Variants in PTPN13 observed in about 807,000 individuals in gnomAD.
The protein encoded by PTPN13 is protein tyrosine phosphatase non-receptor type 13.
A neutral mutation model predicts 284.0 loss-of-function variants in PTPN13; 191 were observed. The observed-to-expected ratio is 0.67, with a 90% CI of 0.60 to 0.76. The LOEUF (loss-of-function observed/expected upper bound fraction) is 0.76, where lower values mean the gene tolerates loss of function less well. PTPN13 is among the 30% of genes least tolerant of loss of function. The pLI is 0.00. For missense variants in PTPN13, 2,797 were observed against 2,939.9 expected, an observed-to-expected ratio of 0.95 and a Z score of 1.12; for synonymous variants, 986 against 1,022.3, an observed-to-expected ratio of 0.96 and a Z score of 0.68.
intron 39 of PTPN13, 67 bp from the exon 40 acceptor site, chr4:86,785,781 A>G (rs746660204): frequency 1.0e-6 from 1 of 966,530 alleles, no homozygotes; most frequent in Non-Finnish European, 1.5e-6. Context: ...TTTGCAGGCA[A>G]ATGAAAACTT....
chr4:86,618,485 G>A lies in PTPN13; in HGVS notation c.-5-16767G>A, dbSNP rs192635754. Reference sequence around the variant, plus strand: ...GAAGAAAGTCATTGGTAGCTTGATGGGGATGGCATTGAATCTATAAATTAC... The same window carrying A: ...GAAGAAAGTCATTGGTAGCTTGATGAGGATGGCATTGAATCTATAAATTAC... On this transcript the variant is annotated intron_variant, in intron 1 of 47. Transcript: ENST00000411767. 3.3e-3 allele frequency among the ~76,000 whole-genome samples: 509 copies of A among 152,254 alleles called. 1 individual carries two copies. Among genetic ancestry groups the A allele is most frequent in the African/African-American group, 0.012 (492 of 41,544 alleles).
intron 5 of PTPN13, among the ~76,000 whole-genome samples, chr4:86,691,887 A>G (rs1730065214): frequency 6.6e-6 from 1 of 152,192 alleles, no homozygotes; most frequent in South Asian, 2.1e-4. Context: ...TAGCGTGAGT[A>G]AAAGTCAGCA....
At chr4:86,627,230 G>A (rs548074472) in intron 1 of PTPN13, among the ~76,000 whole-genome samples, 1 of 151,908 alleles carries the variant, frequency 6.6e-6, no homozygotes, top group Non-Finnish European at 1.5e-5. Context: ...AAGTTCCAGA[G>A]GTCTGTTCAA....
Position 86,807,664 on chromosome 4 carries a change from G to C in PTPN13, c.6850G>C (p.Gly2284Arg), listed in dbSNP as rs1490569835. Residue 2284 changes from glycine (G) to arginine (R), a missense_variant, in exon 45 of 48, where the codon GGA becomes CGA. Coordinates refer to ENST00000411767, the MANE Select transcript of PTPN13 (RefSeq NM_080683.3). ...KEEFVYIACQ[G>R]PLPTTVGDFW... ...AGAGTTCGTTTACATTGCCTGCCAA[G>C]GACCACTGCCTACAACTGTTGGAGA... The C allele has an allele frequency of 6.2e-7, 1 of 1,613,980 alleles. No homozygotes were observed. Among genetic ancestry groups the C allele is most frequent in the Admixed American group, 1.7e-5 (1 of 60,010 alleles).
At chr4:86,800,248 T>C (rs1471194748) in intron 42 of PTPN13, among the ~76,000 whole-genome samples, 1 of 152,140 alleles carries the variant, frequency 6.6e-6, no homozygotes, top group Non-Finnish European at 1.5e-5. Context: ...AATGGAGAAA[T>C]GAAATTCTAT....
At position 86,701,595 on chromosome 4, in the gene PTPN13, C is replaced by T; in HGVS notation, c.989C>T (p.Thr330Ile). The part of the protein sequence containing the change: ...TYRRCHPEAV[T>I]VRTSTTPRKK... ...CGTCGTTGTCACCCTGAGGCAGTAA[C>T]AGTGCGGACTTCAACTACTCCTAGA... The change falls in exon 7 of 48, where the codon ACA (threonine) becomes ATA (isoleucine). Residue 330 changes from threonine (T) to isoleucine (I), a missense_variant. By Grantham distance (89) the Thr-to-Ile change is moderately conservative. Coordinates refer to ENST00000411767, the MANE Select transcript of PTPN13 (RefSeq NM_080683.3). 1 of 1,613,870 alleles carries T rather than the reference C, an allele frequency of 6.2e-7. No individual in the cohort carries two copies.
At chr4:86,637,645 ACT>A (rs1723188630) in intron 2 of PTPN13, among the ~76,000 whole-genome samples, 1 of 150,570 alleles carries the variant, frequency 6.6e-6, no homozygotes, top group South Asian at 2.1e-4. Flanking sequence ...CATGCTAAAA[ACT>A]CTCAATAAAT....
At chr4:86,608,187 A>C (rs947920018) in intron 1 of PTPN13, among the ~76,000 whole-genome samples, 2 of 152,080 alleles carry the variant, frequency 1.3e-5, no homozygotes, top group African/African-American at 4.8e-5. Context: ...AGGCCAGAAA[A>C]AAATAGTGAG....
chr4:86,605,330 T>C (rs1421452780), intron 1 of PTPN13, among the ~76,000 whole-genome samples: 1 of 151,906 alleles, frequency 6.6e-6, no homozygotes, highest in African/African-American at 2.4e-5. Context: ...TGGGGGATGA[T>C]ATTTGGTTTC....
intron 28 of PTPN13, among the ~76,000 whole-genome samples, chr4:86,768,974 T>A (rs2149267344): frequency 6.6e-6 from 1 of 152,260 alleles, no homozygotes; most frequent in Non-Finnish European, 1.5e-5. Context: ...CCTCCCAAAA[T>A]GCTGGGATTA....
chr4:86,709,818 G>C (rs1315446362), intron 7 of PTPN13, among the ~76,000 whole-genome samples: 1 of 152,172 alleles, frequency 6.6e-6, no homozygotes, highest in African/African-American at 2.4e-5. Flanking sequence ...GGTGGAAACT[G>C]TTCATTCTTT....
intron 2 of PTPN13, among the ~76,000 whole-genome samples, chr4:86,636,787 T>C (rs529115541): frequency 2.6e-5 from 4 of 151,694 alleles, no homozygotes; most frequent in African/African-American, 7.3e-5. Context: ...CAAGAACAAA[T>C]ACATTCAAAA....
At chr4:86,610,745 C>T (rs756526236) in intron 1 of PTPN13, among the ~76,000 whole-genome samples, 34 of 152,192 alleles carry the variant, frequency 2.2e-4, no homozygotes, top group Non-Finnish European at 3.4e-4. Context: ...CCAAACAAAA[C>T]ATGTCAGCAG....
chr4:86,778,455 C>T (rs185830825), intron 35 of PTPN13, among the ~76,000 whole-genome samples: 1 of 150,684 alleles, frequency 6.6e-6, no homozygotes, highest in African/African-American at 2.4e-5. Context: ...CGCACCTCCC[C>T]CCGCCCACCC....
intron 17 of PTPN13, among the ~76,000 whole-genome samples, chr4:86,747,573 A>G (rs551265251): frequency 1.6e-5 from 2 of 128,388 alleles, no homozygotes; most frequent in Non-Finnish European, 3.7e-5. Flanking sequence ...CAGCAGCAGC[A>G]GCAGCAGCAG....
Position 86,624,484 on chromosome 4 carries a change from G to A in PTPN13, c.-5-10768G>A, listed in dbSNP as rs145140646. ...TTTTCTAGTTTTGTAGACTTAAAAG[G>A]GCACCACTCAAAATAGCCCTTTGTT... On this transcript the variant is annotated intron_variant, in intron 1 of 47. Transcript: ENST00000411767. Among the ~76,000 whole-genome samples, 183 of 152,166 alleles carry A rather than the reference G, an allele frequency of 1.2e-3. 4 individuals are homozygous for A. The highest frequency in any genetic ancestry group is 4.2e-3 in the African/African-American group (175 of 41,526).
At chr4:86,776,611 A>C (rs887977171) in intron 35 of PTPN13, among the ~76,000 whole-genome samples, 1 of 152,236 alleles carries the variant, frequency 6.6e-6, no homozygotes. Context: ...TGAAAATATC[A>C]TAAGTCAAAA....
chr4:86,699,914 T>G (rs1310412885), intron 6 of PTPN13, among the ~76,000 whole-genome samples: 2 of 152,104 alleles, frequency 1.3e-5, no homozygotes, highest in Non-Finnish European at 2.9e-5. Flanking sequence ...TCAAATTATC[T>G]TAGGTTAGAA....
At chr4:86,607,520 T>C (rs1764890590) in intron 1 of PTPN13, among the ~76,000 whole-genome samples, 1 of 152,028 alleles carries the variant, frequency 6.6e-6, no homozygotes, top group Admixed American at 6.6e-5. Flanking sequence ...GCTGTTATTC[T>C]TATTTTACAG....
Sources: gnomAD v4.1 joint callset for allele counts (sites outside exome capture counted in the v4.1 genomes callset) on GRCh38, gnomAD v4.1.1 for gene constraint, MANE v1.5 for transcripts, NCBI Gene and HGNC (gene_info 2026-07-23, HGNC 2026-07-21) for gene names.